Variants in ZNF735 observed in about 807,000 individuals in gnomAD.
ZNF735 encodes the protein putative zinc finger protein 735.
In ZNF735, 11 loss-of-function variants were observed where a neutral mutation model predicts 13.4. That is an observed-to-expected ratio of 0.82 (90% CI 0.52 to 1.36). The LOEUF (loss-of-function observed/expected upper bound fraction) is 1.36. Among genes scored for constraint, ZNF735 ranks in the 40% most tolerant of loss-of-function variants. The pLI is 0.00. For synonymous variants in ZNF735, 171 were observed against 162.6 expected (o/e 1.05, Z -0.39); for missense variants, 500 against 484.6 (o/e 1.03, Z -0.30).
At chr7:64,214,214 A>G (rs999251391) in intron 3 of ZNF735, 106 bp downstream of exon 3, 24 of 1,203,024 alleles carry the variant, frequency 2.0e-5, no homozygotes, top group Non-Finnish European at 2.6e-5. Context: ...TTATGGAAAG[A>G]GTTTCTGAGA....
exon 3 of ZNF735, chr7:64,214,021 G>C: frequency 2.5e-6 from 4 of 1,596,742 alleles, no homozygotes; most frequent in Non-Finnish European, 3.4e-6. Flanking sequence ...AGGTATGACT[G>C]TCTCTAAGCC....
At chr7:64,212,680 C>A (rs1311231546) in intron 1 of ZNF735, among the ~76,000 whole-genome samples, 1 of 151,878 alleles carries the variant, frequency 6.6e-6, no homozygotes, top group East Asian at 1.9e-4. Flanking sequence ...GTATTCCCAG[C>A]TACTCGGGAG....
rs1308952916 is a variant in ZNF735 at position 64,219,538 on chromosome 7, GT to G, written c.488del (p.Val163AlafsTer23). 9 of 1,596,788 alleles carry G rather than the reference GT, an allele frequency of 5.6e-6. No individual in the cohort carries two copies. The African/African-American group carries it at 1.2e-4, about 21-fold the overall frequency. On this transcript the variant is annotated frameshift_variant, in exon 4 of 4. Transcript: ENST00000429565. LOFTEE classifies it low-confidence loss of function (END_TRUNC). ...CAAAATATTTCAGACTCATAAATGT[GT>G]CAAAGTCTTCAGTAAATTTTCAAAT... is the stretch of plus-strand genomic sequence containing the variant.
At chr7:64,216,295 C>CAA (rs200866185) in intron 3 of ZNF735, among the ~76,000 whole-genome samples, 24 of 140,820 alleles carry the variant, frequency 1.7e-4, no homozygotes, top group South Asian at 6.9e-4. Context: ...GACTCCATCT[C>CAA]AAAAAAAAAA....
At chr7:64,209,227 C>T (rs6957375) in intron 1 of ZNF735, among the ~76,000 whole-genome samples, 55,427 of 125,390 alleles carry the variant, frequency 0.44, 10,301 homozygotes, top group African/African-American at 0.46. Context: ...GCATCTGTTC[C>T]GTTTTTTTTT....
exon 4 of ZNF735, chr7:64,219,868 G>A: frequency 6.2e-7 from 1 of 1,613,672 alleles, no homozygotes; most frequent in Non-Finnish European, 8.5e-7. Flanking sequence ...CGCATGTGAA[G>A]AATGTGGCCA....
chr7:64,211,523 G>C (rs1214216510), intron 1 of ZNF735, among the ~76,000 whole-genome samples: 1 of 151,836 alleles, frequency 6.6e-6, no homozygotes, highest in Non-Finnish European at 1.5e-5. Flanking sequence ...TACACAACAG[G>C]GAAGTTATCT....
In ZNF735 at chr7:64,217,226, C is replaced by T. The variant is rs539998619; in HGVS notation, c.263-2088C>T. 6.6e-5 allele frequency among the ~76,000 whole-genome samples: 10 copies of T among 152,314 alleles called. No individual in the cohort carries two copies. In the East Asian group the frequency reaches 1.7e-3, roughly 27 times the overall value. On this transcript the variant is annotated intron_variant, in intron 3 of 3. Transcript: ENST00000429565. The stretch of plus-strand genomic sequence containing the variant: ...AGGAACCTGGCTCCTCCACCTCACA[C>T]TCGCATCATCTTTCACCATGTGACA...
At chr7:64,207,998 G>T (rs192502488) in intron 1 of ZNF735, among the ~76,000 whole-genome samples, 1 of 149,648 alleles carries the variant, frequency 6.7e-6, no homozygotes, top group East Asian at 2.0e-4. Context: ...AAAAAAAAAA[G>T]AAGAACCATA....
exon 4 of ZNF735, chr7:64,219,338 A>G: frequency 6.2e-7 from 1 of 1,612,860 alleles, no homozygotes; most frequent in Non-Finnish European, 8.5e-7. Flanking sequence ...TTCAACCAAG[A>G]CCTTCAGCCA....
chr7:64,209,501 A>G (rs1469878043), intron 1 of ZNF735, among the ~76,000 whole-genome samples: 3 of 151,796 alleles, frequency 2.0e-5, no homozygotes, highest in Non-Finnish European at 2.9e-5. Context: ...TAATTTTTGT[A>G]TTTGTAGTAG....
chr7:64,214,331 A>G (rs68181628), intron 3 of ZNF735, among the ~76,000 whole-genome samples: 10,013 of 152,172 alleles, frequency 0.066, 527 homozygotes, highest in African/African-American at 0.14. Flanking sequence ...TTTCATTTCA[A>G]TAATCTTTCT....
At chr7:64,214,375 T>C (rs1314085422) in intron 3 of ZNF735, among the ~76,000 whole-genome samples, 3 of 152,230 alleles carry the variant, frequency 2.0e-5, no homozygotes, top group South Asian at 2.1e-4. Flanking sequence ...GTTTTCTTTA[T>C]GGCTTATCAG....
chr7:64,210,833 G>A (rs1263920460), intron 1 of ZNF735, among the ~76,000 whole-genome samples: 1 of 152,190 alleles, frequency 6.6e-6, no homozygotes, highest in Non-Finnish European at 1.5e-5. Context: ...GCCCTTGGGT[G>A]TGTGTGGTGG....
At chr7:64,212,989 A>G in intron 1 of ZNF735, 103 bp from the exon 2 acceptor site, 3 of 1,255,434 alleles carry the variant, frequency 2.4e-6, no homozygotes, top group Non-Finnish European at 2.2e-6. Flanking sequence ...TAAGTGAGAA[A>G]CACTTCTTTT....
chr7:64,212,515 G>C (rs747616691), intron 1 of ZNF735, among the ~76,000 whole-genome samples: 1 of 152,118 alleles, frequency 6.6e-6, no homozygotes, highest in Non-Finnish European at 1.5e-5. Flanking sequence ...ATGTCCGACC[G>C]GGTGAGGTGG....
chr7:64,215,761 C>G (rs1212528753), intron 3 of ZNF735, among the ~76,000 whole-genome samples: 1 of 151,638 alleles, frequency 6.6e-6, no homozygotes, highest in Non-Finnish European at 1.5e-5. Flanking sequence ...TCAACATTAT[C>G]TATTGAAGGG....
intron 1 of ZNF735, among the ~76,000 whole-genome samples, chr7:64,208,244 G>GATTTTT (rs1787313969): frequency 1.1e-5 from 1 of 93,082 alleles, no homozygotes; most frequent in Non-Finnish European, 2.1e-5. Context: ...TCCAATAAAT[G>GATTTTT]TTTTTTTTTT....
intron 3 of ZNF735, among the ~76,000 whole-genome samples, chr7:64,215,800 G>A (rs1264379240): frequency 2.6e-5 from 4 of 151,914 alleles, no homozygotes; most frequent in African/African-American, 4.8e-5. Context: ...TCTGCTCCTG[G>A]CAACCTTGTG....
Sources: allele counts gnomAD v4.1 joint callset (sites outside exome capture counted in the v4.1 genomes callset), GRCh38; gene constraint gnomAD v4.1.1; transcripts MANE v1.5; gene names NCBI Gene and HGNC (gene_info 2026-07-23, HGNC 2026-07-21).